GPAM: variants seen among roughly 807,000 people sequenced by gnomAD.
GPAM encodes the protein glycerol-3-phosphate acyltransferase 1, mitochondrial.
A neutral mutation model predicts 105.0 loss-of-function variants in GPAM; 56 were observed. That is an observed-to-expected ratio of 0.53 (90% CI 0.43 to 0.67). The LOEUF (loss-of-function observed/expected upper bound fraction) is 0.67. Among genes scored for constraint, GPAM ranks in the 30% least tolerant of loss-of-function variants. The probability of loss-of-function intolerance (pLI) is 0.00; values close to 1 mark genes in which losing one functional copy is unlikely to be tolerated. For missense variants in GPAM, 855 were observed against 989.8 expected (o/e 0.86, Z 1.83); for synonymous variants, 368 against 354.4 (o/e 1.04, Z -0.43).
chr10:112,192,789 C>T (rs976943238), intron 1 of GPAM, among the ~76,000 whole-genome samples: 1 of 152,224 alleles, frequency 6.6e-6, no homozygotes, highest in Non-Finnish European at 1.5e-5. Flanking sequence ...TGTGAATACC[C>T]TTTACCTTGT....
At chr10:112,181,920 T>A in intron 2 of GPAM, 107 bp from the exon 3 acceptor site, 1 of 668,300 alleles carries the variant, frequency 1.5e-6, no homozygotes. Context: ...GGATATCACA[T>A]GAACTGACAG....
the GPAM span, among the ~76,000 whole-genome samples, chr10:112,223,350 C>T: frequency 6.6e-6 from 1 of 152,168 alleles, no homozygotes; most frequent in South Asian, 2.1e-4. Flanking sequence ...CAGGGATTTC[C>T]AAGCTCCCTG....
upstream of GPAM, among the ~76,000 whole-genome samples, chr10:112,187,634 CA>C (rs1395691439): frequency 1.3e-5 from 2 of 152,134 alleles, no homozygotes; most frequent in East Asian, 3.9e-4. Context: ...ACCCCTCCCC[CA>C]ATAACTAATA....
At chr10:112,173,529 C>T (rs1190878562) in intron 7 of GPAM, among the ~76,000 whole-genome samples, 170 bp downstream of exon 7, 2 of 152,210 alleles carry the variant, frequency 1.3e-5, no homozygotes, top group African/African-American at 2.4e-5. Context: ...CACAGTGCTA[C>T]TTTGCACGAA....
At chr10:112,173,096 C>A in intron 7 of GPAM, 30 bp from the exon 8 acceptor site, 1 of 1,195,950 alleles carries the variant, frequency 8.4e-7, no homozygotes, top group Non-Finnish European at 1.3e-6. Context: ...AAAAAAACAA[C>A]ATAAATGAAC....
intron 2 of GPAM, 58 bp from the exon 3 acceptor site, chr10:112,181,871 C>A (rs1263060404): frequency 2.6e-6 from 2 of 777,488 alleles, no homozygotes; most frequent in African/African-American, 1.7e-5. Context: ...AATACTAGAA[C>A]TCAAAATTCT....
At chr10:112,223,444 A>T in the GPAM span, among the ~76,000 whole-genome samples, 1 of 152,178 alleles carries the variant, frequency 6.6e-6, no homozygotes, top group African/African-American at 2.4e-5. Flanking sequence ...AACAAACTAA[A>T]TCAACTTTTC....
rs1589572469 is a variant in GPAM at position 112,150,962 on chromosome 10, C to T, written c.*2588G>A. ...AGATTCCAGAAGGAAGACTCGAAGC[C>T]ATCTCAGTTAACAGTTCTACACATT... On this transcript the variant is annotated 3_prime_UTR_variant, in exon 22 of 22. Coordinates refer to ENST00000348367, the MANE Select transcript of GPAM (RefSeq NM_001244949.2). 2 of 984,678 alleles carry T rather than the reference C, an allele frequency of 2.0e-6. No individual in the cohort carries two copies. Among genetic ancestry groups the T allele is most frequent in the Non-Finnish European group, 1.2e-6 (1 of 828,998 alleles). 61.0% of individuals were successfully genotyped at this position (984,678 alleles called of 1,614,324 possible).
intron 4 of GPAM, 55 bp from the exon 5 acceptor site, chr10:112,178,112 G>A: frequency 1.1e-6 from 1 of 884,454 alleles, no homozygotes; most frequent in East Asian, 2.4e-5. Context: ...TGACGGTGAA[G>A]AGCTCTCATT....
chr10:112,172,479 CTGAGCTAAAAAGA>C (rs1847330004), intron 8 of GPAM, among the ~76,000 whole-genome samples, 161 bp from the exon 9 acceptor site: 1 of 152,152 alleles, frequency 6.6e-6, no homozygotes, highest in Non-Finnish European at 1.5e-5. Context: ...GTAATACTTT[CTGAGCTAAAAAGA>C]AAAAGAGCAA....
rs149926953 is a variant in GPAM, at chr10:112,166,490, A to G, written c.1133T>C (p.Leu378Pro). ...QLGKPKKNES[L>P]WSVARGVIRM... ...AATAACACCTCTTGCTACACTCCACAGGCTCTCATTCTTCTTAGGTTTGCC... is the reference window on the plus strand; with the variant it reads ...AATAACACCTCTTGCTACACTCCACGGGCTCTCATTCTTCTTAGGTTTGCC... Residue 378 changes from leucine to proline, a missense_variant, in exon 12 of 22, where the codon CTG (leucine) becomes CCG (proline). Transcript: ENST00000348367. The G allele has an allele frequency of 3.1e-6, 5 of 1,608,854 alleles. No individual in the cohort carries two copies. The highest frequency in any genetic ancestry group is 2.7e-5 in the African/African-American group (2 of 74,832).
At chr10:112,203,717 A>T (rs919470623) in intron 1 of GPAM, among the ~76,000 whole-genome samples, 2 of 152,202 alleles carry the variant, frequency 1.3e-5, no homozygotes, top group Non-Finnish European at 2.9e-5. Context: ...CGCTCTCCAT[A>T]CACTCTGTTA....
Position 112,181,799 on chromosome 10 carries a change from T to C in GPAM, c.-15A>G. ...GATTCATCCATGTCACAAAGTGTAA[T>C]TCCCAAATCATGTGCTATAAAAAAT... is the stretch of plus-strand genomic sequence containing the variant. On this transcript the variant is annotated 5_prime_UTR_variant, in exon 3 of 22. Coordinates refer to ENST00000348367, the MANE Select transcript of GPAM (RefSeq NM_001244949.2). 1.4e-6 allele frequency: 2 copies of C among 1,406,916 alleles called. No individual in the cohort carries two copies. The highest frequency in any genetic ancestry group is 2.0e-6 in the Non-Finnish European group (2 of 991,124). 87.2% of individuals were successfully genotyped at this position (1,406,916 alleles called of 1,614,324 possible). A position where few individuals can be genotyped will look rare whatever the true frequency, so the allele number is the denominator to read the frequency against.
intron 13 of GPAM, 36 bp downstream of exon 13, chr10:112,164,489 A>T: frequency 9.9e-7 from 1 of 1,006,446 alleles, no homozygotes; most frequent in Non-Finnish European, 1.6e-6. Context: ...GATGTTTGGT[A>T]GCTTGATTAG....
chr10:112,165,665 G>A (rs926094329), intron 12 of GPAM, among the ~76,000 whole-genome samples: 2 of 152,014 alleles, frequency 1.3e-5, no homozygotes, highest in African/African-American at 4.8e-5. Flanking sequence ...ACTCCAGCCT[G>A]GGCTACAAGA....
In GPAM at chr10:112,172,995, A is replaced by G; in HGVS notation, c.632T>C (p.Leu211Pro). 2 of 1,601,724 alleles carry G rather than the reference A, an allele frequency of 1.2e-6. No homozygotes were observed. Among genetic ancestry groups the G allele is most frequent in the Non-Finnish European group, 1.7e-6 (2 of 1,168,822 alleles). ...CTCAGTTGCAGCTTTAACCATCTCA[A>G]GTTGACCTTTGTGAATTTGAATGTT... is the stretch of plus-strand genomic sequence containing the variant. ...FWNIQIHKGQ[L>P]EMVKAATETN... Residue 211 changes from leucine (L) to proline (P), a missense_variant, in exon 8 of 22, where the codon CTT becomes CCT. Coordinates refer to ENST00000348367, the MANE Select transcript of GPAM (RefSeq NM_001244949.2).
Position 112,178,008 on chromosome 10 carries a change from A to G in GPAM, c.275T>C (p.Ile92Thr). The G allele has an allele frequency of 1.9e-6, 3 of 1,599,538 alleles. No individual in the cohort carries two copies. Among genetic ancestry groups the G allele is most frequent in the South Asian group, 2.2e-5 (2 of 90,730 alleles). The change falls in exon 5 of 22, where the codon ATT (isoleucine) becomes ACT (threonine). Residue 92 changes from isoleucine to threonine, a missense_variant. Physicochemically the swap from Ile to Thr is moderately conservative, Grantham distance 89. Transcript: ENST00000348367. ...SIPSLGLRNVIYINETHTRHR... is the reference protein window; with the variant it reads ...SIPSLGLRNVTYINETHTRHR... Reference sequence around the variant, plus strand: ...CCTTGTGTGAGTTTCATTGATATAAATAACATTCCGCAAACCCAAAGACGG... The same window carrying G: ...CCTTGTGTGAGTTTCATTGATATAAGTAACATTCCGCAAACCCAAAGACGG...
At chr10:112,219,233 A>T (rs1269175015), upstream of GPAM, among the ~76,000 whole-genome samples, 1 of 152,170 alleles carries the variant, frequency 6.6e-6, no homozygotes, top group Non-Finnish European at 1.5e-5. Flanking sequence ...CCAGAAAAGG[A>T]CCTTCCCAAA....
In GPAM at chr10:112,156,945, G is replaced by A. The variant is rs1847028823; in HGVS notation, c.2121+304C>T. Reference sequence around the variant, plus strand: ...TCAGTGGCAGCTCAATAGCAAAACTGCTGCCTCATGAGGGGTGCAGGTGTA... The same window carrying A: ...TCAGTGGCAGCTCAATAGCAAAACTACTGCCTCATGAGGGGTGCAGGTGTA... On this transcript the variant is annotated intron_variant, in intron 19 of 21. Transcript: ENST00000348367. 5 of 534,864 alleles carry A rather than the reference G, an allele frequency of 9.3e-6. No homozygotes were observed. In the South Asian group the frequency reaches 1.3e-4, roughly 14 times the overall value. 33.1% of individuals were successfully genotyped at this position (534,864 alleles called of 1,614,324 possible). A position where few individuals can be genotyped will look rare whatever the true frequency, so the allele number is the denominator to read the frequency against.
Sources: gnomAD v4.1 joint callset for allele counts (sites outside exome capture counted in the v4.1 genomes callset) on GRCh38, gnomAD v4.1.1 for gene constraint, MANE v1.5 for transcripts, NCBI Gene and HGNC (gene_info 2026-07-23, HGNC 2026-07-21) for gene names.